DNAAF4: variants seen among roughly 807,000 people sequenced by gnomAD.
DNAAF4 encodes the protein dynein axonemal assembly factor 4.
In DNAAF4, 43 loss-of-function variants were observed where a neutral mutation model predicts 51.8. The observed-to-expected ratio is 0.83, with a 90% confidence interval of 0.65 to 1.07. The LOEUF (loss-of-function observed/expected upper bound fraction) is 1.07. Among genes scored for constraint, DNAAF4 ranks in the 50% least tolerant of loss-of-function variants. DNAAF4 has a pLI of 0.00. For synonymous variants in DNAAF4, 194 were observed against 165.6 expected (o/e 1.17, Z -1.32); for missense variants, 581 against 493.0 (o/e 1.18, Z -1.69).
intron 7 of DNAAF4, among the ~76,000 whole-genome samples, chr15:55,418,938 TGA>T (rs10615674): frequency 0.58 from 80,373 of 138,118 alleles, 25,101 homozygotes; most frequent in East Asian, 0.74. Context: ...TTTTTTTTTT[TGA>T]GTGAGTTGGA....
intron 5 of DNAAF4, among the ~76,000 whole-genome samples, chr15:55,461,442 A>G (rs946329731): frequency 1.1e-4 from 16 of 152,124 alleles, no homozygotes; most frequent in African/African-American, 3.9e-4. Flanking sequence ...AATACTCTCT[A>G]AGACCACAGT....
chr15:55,425,158 C>T (rs544223468), intron 7 of DNAAF4, among the ~76,000 whole-genome samples: 1 of 152,272 alleles, frequency 6.6e-6, no homozygotes, highest in Admixed American at 6.5e-5. Flanking sequence ...AGCCATCACG[C>T]TCAGCCACAT....
chr15:55,436,554 T>G (rs1316646826), intron 7 of DNAAF4, among the ~76,000 whole-genome samples: 1 of 151,882 alleles, frequency 6.6e-6, no homozygotes, highest in Non-Finnish European at 1.5e-5. Context: ...CTGACTAGTT[T>G]TTGTATTTTT....
intron 1 of DNAAF4, among the ~76,000 whole-genome samples, chr15:55,500,082 G>A (rs1324238707): frequency 6.6e-6 from 1 of 151,514 alleles, no homozygotes; most frequent in Non-Finnish European, 1.5e-5. Flanking sequence ...CTGGGCCTTT[G>A]TGGAAATCTG....
chr15:55,446,997 T>TGAC (rs2057839175), intron 6 of DNAAF4, among the ~76,000 whole-genome samples: 1 of 89,190 alleles, frequency 1.1e-5, no homozygotes, highest in Non-Finnish European at 2.2e-5. Context: ...ACGGGGCAGC[T>TGAC]GGGCAGAGGC....
At chr15:55,506,154 T>A (rs1467648476) in intron 1 of DNAAF4, among the ~76,000 whole-genome samples, 2 of 152,186 alleles carry the variant, frequency 1.3e-5, no homozygotes, top group Non-Finnish European at 2.9e-5. Context: ...AGCTTCTGAA[T>A]ATCAGGGGCT....
rs774977262 is a variant in DNAAF4 at position 55,497,818 on chromosome 15, A to G, written c.165T>C (p.Ala55=). The G allele has an allele frequency of 6.2e-7, 1 of 1,612,522 alleles. No homozygotes were observed. The highest frequency in any genetic ancestry group is 8.5e-7 in the Non-Finnish European group (1 of 1,179,444). The change falls in exon 3 of 10, where the codon GCT becomes GCC. Residue 55 remains alanine (A), a synonymous_variant. Transcript: ENST00000321149. ...PPFLFEAFLY[A]PIDDESSKAK... ...CTTTGCTGCTCTCATCGTCTATGGG[A>G]GCATAAAGAAATGCCTCAAATAAAA... is the stretch of plus-strand genomic sequence containing the variant.
intron 4 of DNAAF4, among the ~76,000 whole-genome samples, chr15:55,489,240 T>C (rs1331162309): frequency 6.6e-6 from 1 of 152,226 alleles, no homozygotes; most frequent in Non-Finnish European, 1.5e-5. Flanking sequence ...CCACAAATTC[T>C]ATATTAATTT....
At chr15:55,434,759 T>TAA in intron 8 of DNAAF4, 146 bp downstream of exon 8, 36 of 650,116 alleles carry the variant, frequency 5.5e-5, no homozygotes, top group South Asian at 7.0e-5. Context: ...AAAAATCAGT[T>TAA]AAAAAAAAAA....
intron 6 of DNAAF4, among the ~76,000 whole-genome samples, chr15:55,445,622 G>GGGT (rs2057787778): frequency 2.0e-5 from 3 of 150,062 alleles, no homozygotes; most frequent in African/African-American, 4.9e-5. Flanking sequence ...CTCCCAGATG[G>GGGT]GGCGGCCAGG....
downstream of DNAAF4, among the ~76,000 whole-genome samples, chr15:55,429,554 C>A (rs1398670330): frequency 2.7e-5 from 4 of 146,956 alleles, no homozygotes; most frequent in Non-Finnish European, 4.5e-5. Context: ...CGCGGTGGCT[C>A]ACACCTGTAA....
intron 7 of DNAAF4, among the ~76,000 whole-genome samples, chr15:55,421,949 T>C (rs1035402128): frequency 2.0e-5 from 3 of 148,250 alleles, no homozygotes; most frequent in Non-Finnish European, 4.5e-5. Flanking sequence ...ATAATAAAGG[T>C]CCCAGGACTA....
At chr15:55,487,161 G>C (rs867193988) in intron 4 of DNAAF4, among the ~76,000 whole-genome samples, 12 of 152,318 alleles carry the variant, frequency 7.9e-5, no homozygotes, top group African/African-American at 2.4e-4. Context: ...TCTAGCTAAA[G>C]GATTGTAAAC....
intron 4 of DNAAF4, among the ~76,000 whole-genome samples, chr15:55,483,432 TTA>T (rs1381452713): frequency 6.6e-6 from 1 of 152,016 alleles, no homozygotes; most frequent in East Asian, 1.9e-4. Flanking sequence ...TGTTCCAGAA[TTA>T]CATAGTGGTG....
intron 5 of DNAAF4, among the ~76,000 whole-genome samples, chr15:55,452,641 A>G (rs922404935): frequency 2.0e-5 from 3 of 152,220 alleles, no homozygotes; most frequent in African/African-American, 4.8e-5. Context: ...CAATTTTATG[A>G]AAAGGTAAAA....
At chr15:55,467,582 T>C (rs1027431969) in intron 4 of DNAAF4, among the ~76,000 whole-genome samples, 4 of 151,280 alleles carry the variant, frequency 2.6e-5, no homozygotes, top group African/African-American at 4.8e-5. Flanking sequence ...CCAACACATA[T>C]ATTCAAACAT....
chr15:55,450,761 C>CTTATA lies in DNAAF4; in HGVS notation c.638-399_638-395dup, dbSNP rs1233453139. ...ACATACTTTATCTCCTATATGCTTT[C>CTTATA]TTATAATAGTGTAAGAGGTTTTAGC... On this transcript the variant is annotated intron_variant, in intron 5 of 9. Transcript: ENST00000321149. Among the ~76,000 whole-genome samples, 3 of 152,266 alleles carry CTTATA rather than the reference C, an allele frequency of 2.0e-5. No individual in the cohort carries two copies. The East Asian group carries it at 5.8e-4, about 29-fold the overall frequency.
chr15:55,453,538 A>C (rs1567013536), intron 5 of DNAAF4, among the ~76,000 whole-genome samples: 1 of 151,262 alleles, frequency 6.6e-6, no homozygotes, highest in Non-Finnish European at 1.5e-5. Flanking sequence ...GGTGTGAAAA[A>C]AAAACAGTTC....
chr15:55,473,281 A>ATATATATGTGTATATATATG (rs1567023471), intron 4 of DNAAF4, among the ~76,000 whole-genome samples: 1 of 112,830 alleles, frequency 8.9e-6, no homozygotes, highest in African/African-American at 4.2e-5. Flanking sequence ...GTGTATATAT[A>ATATATATGTGTATATATATG]TGTGTATATA....
Sources: gnomAD v4.1 joint callset for allele counts (sites outside exome capture counted in the v4.1 genomes callset) on GRCh38, gnomAD v4.1.1 for gene constraint, MANE v1.5 for transcripts, NCBI Gene and HGNC (gene_info 2026-07-23, HGNC 2026-07-21) for gene names.